The following PCDHB8 variants were observed in gnomAD, a reference collection of about 807,000 sequenced individuals.
PCDHB8 encodes the protein protocadherin beta-8.
For synonymous variants in PCDHB8, 385 were observed against 448.5 expected, an observed-to-expected ratio of 0.86 and a Z score of 1.79; for missense variants, 836 against 1,004.0, an observed-to-expected ratio of 0.83 and a Z score of 2.26.
In PCDHB8 at chr5:141,180,155, C is replaced by G. The variant is rs782133409; in HGVS notation, c.2121C>G (p.Leu707=). Residue 707 remains leucine (L), a synonymous_variant, in exon 1 of 1, where the codon CTC becomes CTG. Transcript: ENST00000239444. The part of the protein sequence containing the change: ...SVSSLFLFSV[L]LFVAVLLCRR... ...CTTCGCTCTTCCTCTTCTCGGTGCTCCTGTTCGTGGCGGTGCTGCTGTGTA... is the reference window on the plus strand; with the variant it reads ...CTTCGCTCTTCCTCTTCTCGGTGCTGCTGTTCGTGGCGGTGCTGCTGTGTA... 11 of 1,612,046 alleles carry G rather than the reference C, an allele frequency of 6.8e-6. No individual in the cohort carries two copies. The highest frequency in any genetic ancestry group is 3.3e-5 in the Admixed American group (2 of 59,996).
Position 141,179,272 on chromosome 5 carries a change from A to G in PCDHB8, c.1238A>G (p.Glu413Gly), listed in dbSNP as rs1176655419. 3.1e-6 allele frequency: 5 copies of G among 1,614,242 alleles called. No homozygotes were observed. Among genetic ancestry groups the G allele is most frequent in the Non-Finnish European group, 3.4e-6 (4 of 1,180,048 alleles). Reference protein sequence around the residue: ...TLLTETPLDRESRAEYNVTIT... With the variant: ...TLLTETPLDRGSRAEYNVTIT... ...CTAACAGAGACACCACTAGACAGAG[A>G]AAGCAGAGCCGAGTACAACGTCACT... Residue 413 changes from glutamate to glycine, a missense_variant, in exon 1 of 1, where the codon GAA becomes GGA. Transcript: ENST00000239444.
Position 141,180,200 on chromosome 5 carries a change from G to A in PCDHB8, c.2166G>A (p.Ser722=), listed in dbSNP as rs531044751. Residue 722 remains serine, a synonymous_variant, in exon 1 of 1, where the codon TCG becomes TCA. Coordinates refer to ENST00000239444, the MANE Select transcript of PCDHB8 (RefSeq NM_019120.5). ...TGTGTAGGAGGAGCAGGGCGGCCTCGGTGGGTCGCTGCTCAGTGCCTGAGG... is the reference window on the plus strand; with the variant it reads ...TGTGTAGGAGGAGCAGGGCGGCCTCAGTGGGTCGCTGCTCAGTGCCTGAGG... ...VLLCRRSRAA[S]VGRCSVPEGP... is the part of the protein sequence containing the mutation. 96 of 1,612,800 alleles carry A rather than the reference G, an allele frequency of 6.0e-5. No homozygotes were observed. The highest frequency in any genetic ancestry group is 1.1e-4 in the South Asian group (10 of 91,000).
rs1475162943 is a variant in PCDHB8, at chr5:141,179,939, C to T, written c.1905C>T (p.Asp635=). The T allele has an allele frequency of 1.2e-6, 2 of 1,608,744 alleles. No homozygotes were observed. The highest frequency in any genetic ancestry group is 1.3e-5 in the African/African-American group (1 of 74,862). The stretch of plus-strand genomic sequence containing the variant: ...CCGCCAGGCTGCTGAGCGAGCGCGA[C>T]GCGGCCAAGCAGAGGCTGGTGGTGC... ...VRTARLLSER[D]AAKQRLVVLV... Residue 635 remains aspartate, a synonymous_variant, in exon 1 of 1, where the codon GAC becomes GAT. Transcript: ENST00000239444.
Position 141,180,053 on chromosome 5 carries a change from G to C in PCDHB8, c.2019G>C (p.Pro673=). Residue 673 remains proline, a synonymous_variant, in exon 1 of 1, where the codon CCG becomes CCC. Coordinates refer to ENST00000239444, the MANE Select transcript of PCDHB8 (RefSeq NM_019120.5). ...LVDGFSQPYL[P]LPEAAPAQGQ... ...ACGGCTTCTCCCAGCCCTACCTGCC[G>C]CTTCCGGAGGCTGCCCCAGCCCAGG... The C allele has an allele frequency of 3.7e-6, 6 of 1,609,610 alleles. No individual in the cohort carries two copies. The highest frequency in any genetic ancestry group is 2.2e-5 in the East Asian group (1 of 44,872).
rs1325019627 is a variant in PCDHB8 at position 141,178,387 on chromosome 5, T to C, written c.353T>C (p.Phe118Ser). 9 of 1,602,692 alleles carry C rather than the reference T, an allele frequency of 5.6e-6. No homozygotes were observed. The African/African-American group carries it at 1.2e-4, about 22-fold the overall frequency. The change falls in exon 1 of 1, where the codon TTT becomes TCT. Residue 118 changes from phenylalanine to serine, a missense_variant. Coordinates refer to ENST00000239444, the MANE Select transcript of PCDHB8 (RefSeq NM_019120.5). ...QVLLESPFEF[F>S]QAELQVIDIN... ...TTGCTAGAGAGTCCCTTCGAGTTTT[T>C]TCAAGCTGAGCTGCAAGTAATAGAC...
rs781880207 is a variant in PCDHB8 at position 141,178,594 on chromosome 5, G to A, written c.560G>A (p.Ser187Asn). 2 of 1,613,972 alleles carry A rather than the reference G, an allele frequency of 1.2e-6. No homozygotes were observed. The highest frequency in any genetic ancestry group is 1.7e-6 in the Non-Finnish European group (2 of 1,179,966). The change falls in exon 1 of 1, where the codon AGT (serine) becomes AAT (asparagine). Residue 187 changes from serine (S) to asparagine (N), a missense_variant. Coordinates refer to ENST00000239444, the MANE Select transcript of PCDHB8 (RefSeq NM_019120.5). ...SYFRVLTRKRSDGRKYPELVL... is the reference protein window; with the variant it reads ...SYFRVLTRKRNDGRKYPELVL... ...TTTCGGGTCCTCACCCGCAAACGCAGTGATGGCAGGAAATACCCAGAGCTG... is the reference window on the plus strand; with the variant it reads ...TTTCGGGTCCTCACCCGCAAACGCAATGATGGCAGGAAATACCCAGAGCTG...
In PCDHB8 at chr5:141,179,498, C is replaced by A. The variant is rs1554281235; in HGVS notation, c.1464C>A (p.Thr488=). 6.2e-7 allele frequency: 1 copy of A among 1,613,634 alleles called. No individual in the cohort carries two copies. The highest frequency in any genetic ancestry group is 8.5e-7 in the Non-Finnish European group (1 of 1,179,996). ...ACTCGGGCACCAACGCCCAGGTCAC[C>A]TACTCGCTGCTGCCGCCCCAGGATC... ...DRDSGTNAQV[T]YSLLPPQDPH... Residue 488 remains threonine, a synonymous_variant, in exon 1 of 1, where the codon ACC becomes ACA. Transcript: ENST00000239444.
rs782522379 is a variant in PCDHB8, at chr5:141,179,704, A to T, written c.1670A>T (p.Asp557Val). 6.2e-7 allele frequency: 1 copy of T among 1,611,846 alleles called. No homozygotes were observed. Reference protein sequence around the residue: ...LVRVLVLDANDNSPFVLYPLQ... With the variant: ...LVRVLVLDANVNSPFVLYPLQ... ...CGCGTGCTGGTGCTGGACGCCAACGACAACTCGCCCTTCGTGCTGTACCCG... is the reference window on the plus strand; with the variant it reads ...CGCGTGCTGGTGCTGGACGCCAACGTCAACTCGCCCTTCGTGCTGTACCCG... Residue 557 changes from aspartate to valine, a missense_variant, in exon 1 of 1, where the codon GAC becomes GTC. Transcript: ENST00000239444.
rs782519470 is a variant in PCDHB8 at position 141,179,934 on chromosome 5, C to G, written c.1900C>G (p.Arg634Gly). ...EVRTARLLSE[R>G]DAAKQRLVVL... ...GCGCACCGCCAGGCTGCTGAGCGAG[C>G]GCGACGCGGCCAAGCAGAGGCTGGT... The change falls in exon 1 of 1, where the codon CGC (arginine) becomes GGC (glycine). Residue 634 changes from arginine (R) to glycine (G), a missense_variant. Arg to Gly is a moderately radical substitution (Grantham distance 125). Coordinates refer to ENST00000239444, the MANE Select transcript of PCDHB8 (RefSeq NM_019120.5). The G allele has an allele frequency of 3.1e-6, 5 of 1,608,666 alleles. No individual in the cohort carries two copies. The highest frequency in any genetic ancestry group is 2.7e-5 in the African/African-American group (2 of 74,866).
Position 141,180,141 on chromosome 5 carries a change from C to A in PCDHB8, c.2107C>A (p.Leu703Ile). The change falls in exon 1 of 1, where the codon CTC becomes ATC. Residue 703 changes from leucine to isoleucine, a missense_variant. Physicochemically the swap from Leu to Ile is conservative, Grantham distance 5. Transcript: ENST00000239444. ...VALASVSSLF[L>I]FSVLLFVAVL... ...GTTGGCCTCGGTGTCTTCGCTCTTCCTCTTCTCGGTGCTCCTGTTCGTGGC... is the reference window on the plus strand; with the variant it reads ...GTTGGCCTCGGTGTCTTCGCTCTTCATCTTCTCGGTGCTCCTGTTCGTGGC... 2 of 1,611,630 alleles carry A rather than the reference C, an allele frequency of 1.2e-6. No individual in the cohort carries two copies. The highest frequency in any genetic ancestry group is 1.7e-6 in the Non-Finnish European group (2 of 1,179,872).
At position 141,180,056 on chromosome 5, in the gene PCDHB8, T is replaced by C. The variant is rs782391266; in HGVS notation, c.2022T>C (p.Leu674=). ...VDGFSQPYLP[L]PEAAPAQGQA... is the part of the protein sequence containing the mutation. ...GCTTCTCCCAGCCCTACCTGCCGCTTCCGGAGGCTGCCCCAGCCCAGGGCC... is the reference window on the plus strand; with the variant it reads ...GCTTCTCCCAGCCCTACCTGCCGCTCCCGGAGGCTGCCCCAGCCCAGGGCC... Residue 674 remains leucine, a synonymous_variant, in exon 1 of 1, where the codon CTT becomes CTC. Coordinates refer to ENST00000239444, the MANE Select transcript of PCDHB8 (RefSeq NM_019120.5). The C allele has an allele frequency of 1.4e-5, 23 of 1,609,754 alleles. No individual in the cohort carries two copies. The Admixed American group carries it at 3.3e-4, about 23-fold the overall frequency.
In PCDHB8 at chr5:141,180,164, G is replaced by T. The variant is rs375739229; in HGVS notation, c.2130G>T (p.Val710=). The T allele has an allele frequency of 5.0e-6, 8 of 1,612,344 alleles. No homozygotes were observed. Among genetic ancestry groups the T allele is most frequent in the Non-Finnish European group, 6.8e-6 (8 of 1,179,926 alleles). The change falls in exon 1 of 1, where the codon GTG becomes GTT. Residue 710 remains valine (V), a synonymous_variant. Transcript: ENST00000239444. The part of the protein sequence containing the change: ...SLFLFSVLLF[V]AVLLCRRSRA... ...TCCTCTTCTCGGTGCTCCTGTTCGT[G>T]GCGGTGCTGCTGTGTAGGAGGAGCA...
Position 141,180,444 on chromosome 5 carries a change from A to T in PCDHB8, c.*4A>T. ...TTTCAGCCTTCAGTTAAAGTAATTGATTTCATATTATATATTTTAATTTTT... is the reference window on the plus strand; with the variant it reads ...TTTCAGCCTTCAGTTAAAGTAATTGTTTTCATATTATATATTTTAATTTTT... On this transcript the variant is annotated 3_prime_UTR_variant, in exon 1 of 1. Coordinates refer to ENST00000239444, the MANE Select transcript of PCDHB8 (RefSeq NM_019120.5). 6.6e-7 allele frequency: 1 copy of T among 1,524,996 alleles called. No individual in the cohort carries two copies. Among genetic ancestry groups the T allele is most frequent in the Non-Finnish European group, 8.8e-7 (1 of 1,132,140 alleles). 94.5% of individuals were successfully genotyped at this position (1,524,996 alleles called of 1,614,324 possible).
chr5:141,179,400 T>C lies in PCDHB8; in HGVS notation c.1366T>C (p.Ser456Pro), dbSNP rs147370070. 491 of 1,613,916 alleles carry C rather than the reference T, an allele frequency of 3.0e-4. 1 individual carries two copies. In the African/African-American group the frequency reaches 4.2e-3, roughly 14 times the overall value. Residue 456 changes from serine (S) to proline (P), a missense_variant, in exon 1 of 1, where the codon TCC (serine) becomes CCC (proline). Ser to Pro is a moderately conservative substitution (Grantham distance 74). Coordinates refer to ENST00000239444, the MANE Select transcript of PCDHB8 (RefSeq NM_019120.5). Reference sequence around the variant, plus strand: ...CAACGCCCCCGCCTTCACCCAAACCTCCTACACCCTGTTCGTCCGCGAGAA... The same window carrying C: ...CAACGCCCCCGCCTTCACCCAAACCCCCTACACCCTGTTCGTCCGCGAGAA... ...NDNAPAFTQT[S>P]YTLFVRENNS... is the part of the protein sequence containing the mutation.
rs1753528669 is a variant in PCDHB8 at position 141,180,295 on chromosome 5, T to A, written c.2261T>A (p.Val754Glu). The A allele has an allele frequency of 6.2e-7, 1 of 1,613,896 alleles. No individual in the cohort carries two copies. The highest frequency in any genetic ancestry group is 1.3e-5 in the African/African-American group (1 of 74,910). ...GSLSQNYQYE[V>E]CLAGGSGTNE... The stretch of plus-strand genomic sequence containing the variant: ...CTGTCTCAGAACTATCAGTACGAGG[T>A]GTGCCTGGCAGGAGGCTCAGGGACG... The change falls in exon 1 of 1, where the codon GTG (valine) becomes GAG (glutamate). Residue 754 changes from valine to glutamate, a missense_variant. Transcript: ENST00000239444.
In PCDHB8 at chr5:141,179,396, A is replaced by G; in HGVS notation, c.1362A>G (p.Gln454=). The part of the protein sequence containing the change: ...DVNDNAPAFT[Q]TSYTLFVREN... ...ATGACAACGCCCCCGCCTTCACCCA[A>G]ACCTCCTACACCCTGTTCGTCCGCG... is the stretch of plus-strand genomic sequence containing the variant. The change falls in exon 1 of 1, where the codon CAA becomes CAG. Residue 454 remains glutamine (Q), a synonymous_variant. Transcript: ENST00000239444. 22 of 1,614,046 alleles carry G rather than the reference A, an allele frequency of 1.4e-5. No individual in the cohort carries two copies. Among genetic ancestry groups the G allele is most frequent in the East Asian group, 2.2e-5 (1 of 44,854 alleles).
rs782783203 is a variant in PCDHB8, at chr5:141,180,458, A to T, written c.*18A>T. On this transcript the variant is annotated 3_prime_UTR_variant, in exon 1 of 1. Coordinates refer to ENST00000239444, the MANE Select transcript of PCDHB8 (RefSeq NM_019120.5). Reference sequence around the variant, plus strand: ...TAAAGTAATTGATTTCATATTATATATTTTAATTTTTATGATCAATTCAAA... The same window carrying T: ...TAAAGTAATTGATTTCATATTATATTTTTTAATTTTTATGATCAATTCAAA... The T allele has an allele frequency of 6.9e-7, 1 of 1,455,796 alleles. No individual in the cohort carries two copies. Among genetic ancestry groups the T allele is most frequent in the Non-Finnish European group, 9.1e-7 (1 of 1,093,156 alleles). 90.2% of individuals were successfully genotyped at this position (1,455,796 alleles called of 1,614,324 possible). A position where few individuals can be genotyped will look rare whatever the true frequency, so the allele number is the denominator to read the frequency against.
rs1254417103 is a variant in PCDHB8, at chr5:141,180,329, C to T, written c.2295C>T (p.Phe765=). ...CLAGGSGTNE[F]QLLKPVLPNI... is the part of the protein sequence containing the mutation. ...CAGGAGGCTCAGGGACGAATGAGTTCCAGCTCCTGAAACCAGTATTACCTA... is the reference window on the plus strand; with the variant it reads ...CAGGAGGCTCAGGGACGAATGAGTTTCAGCTCCTGAAACCAGTATTACCTA... Residue 765 remains phenylalanine, a synonymous_variant, in exon 1 of 1, where the codon TTC becomes TTT. Transcript: ENST00000239444. 8.1e-6 allele frequency: 13 copies of T among 1,613,930 alleles called. No individual in the cohort carries two copies. Among genetic ancestry groups the T allele is most frequent in the South Asian group, 7.7e-5 (7 of 91,082 alleles).
In PCDHB8 at chr5:141,179,993, C is replaced by T. The variant is rs1554281479; in HGVS notation, c.1959C>T (p.Cys653=). 1.9e-6 allele frequency: 3 copies of T among 1,608,530 alleles called. No homozygotes were observed. The African/African-American group carries it at 4.0e-5, about 21-fold the overall frequency. ...VLVKDNGEPP[C]SATATLHVLL... ...TCAAGGACAATGGCGAGCCTCCGTG[C>T]TCGGCCACCGCCACGCTGCACGTGC... Residue 653 remains cysteine, a synonymous_variant, in exon 1 of 1, where the codon TGC becomes TGT. Transcript: ENST00000239444.
Sources: gnomAD v4.1 joint callset for allele counts on GRCh38, gnomAD v4.1.1 for gene constraint, MANE v1.5 for transcripts, NCBI Gene and HGNC (gene_info 2026-07-23, HGNC 2026-07-21) for gene names.